Variants in SLC41A1 observed in about 807,000 individuals in gnomAD.
The protein encoded by SLC41A1 is solute carrier family 41 (magnesium transporter), member 1.
SLC41A1 carries 20 observed loss-of-function variants against 47.3 expected under a neutral mutation model. That is an observed-to-expected ratio of 0.42 (90% CI 0.30 to 0.61). The LOEUF (loss-of-function observed/expected upper bound fraction) is 0.61. SLC41A1 is among the 20% of genes least tolerant of loss of function. SLC41A1 has a pLI of 0.17. For missense variants in SLC41A1, 504 were observed against 674.1 expected (o/e 0.75, Z 2.79); for synonymous variants, 282 against 272.7 (o/e 1.03, Z -0.34).
chr1:205,809,952 A>T, intron 2 of SLC41A1, 118 bp downstream of exon 2: 1 of 1,434,878 alleles, frequency 7.0e-7, no homozygotes. Context: ...AAAGGAAAAC[A>T]GTATTCTAGG....
chr1:205,792,346 A>AG lies in SLC41A1; in HGVS notation c.1357-629dup, dbSNP rs1331562941. On this transcript the variant is annotated intron_variant, in intron 10 of 10. Transcript: ENST00000367137. ...AAGAATGCAAGTTTATTTTAACATT[A>AG]GTCCTAATAAAGTTGAATTGTGAAT... Among the ~76,000 whole-genome samples the AG allele has an allele frequency of 6.6e-5, 10 of 152,212 alleles. 1 individual carries two copies. Among genetic ancestry groups the AG allele is most frequent in the Admixed American group, 2.0e-4 (3 of 15,282 alleles).
chr1:205,795,303 C>T (rs766370918), intron 9 of SLC41A1, 41 bp downstream of exon 9: 6 of 1,613,846 alleles, frequency 3.7e-6, no homozygotes, highest in Non-Finnish European at 5.1e-6. Context: ...GACAGTAGGC[C>T]CACTCCCCCC....
At position 205,795,723 on chromosome 1, in the gene SLC41A1, A is replaced by T. The variant is rs545342933; in HGVS notation, c.1073-245T>A. On this transcript the variant is annotated intron_variant, in intron 8 of 10. Coordinates refer to ENST00000367137, the MANE Select transcript of SLC41A1 (RefSeq NM_173854.6). ...CCCATCCTCCCCTCTATGGAGATGC[A>T]GCAGTTCCATGTTCCCCTGGCAAAG... The T allele has an allele frequency of 3.1e-4, 184 of 586,940 alleles. 2 individuals are homozygous for T. In the East Asian group the frequency reaches 5.3e-3, roughly 17 times the overall value. The allele number at this position is 586,940 out of a possible 1,614,324, so 36.4% of individuals were successfully genotyped here.
At chr1:205,809,415 C>T (rs1656091152) in intron 2 of SLC41A1, among the ~76,000 whole-genome samples, 1 of 152,198 alleles carries the variant, frequency 6.6e-6, no homozygotes, top group South Asian at 2.1e-4. Flanking sequence ...CTGCCCAGGC[C>T]TAGTTACATT....
In SLC41A1 at chr1:205,807,648, G is replaced by GTTT. The variant is rs1170069554; in HGVS notation, c.372+2421_372+2422insAAA. ...ACAAAGAAAATAGGCTCCTCGTAGA[G>GTTT]TCTTTTTTTTTTTTTTTTTTTTTTT... On this transcript the variant is annotated intron_variant, in intron 2 of 10. Coordinates refer to ENST00000367137, the MANE Select transcript of SLC41A1 (RefSeq NM_173854.6). Among the ~76,000 whole-genome samples the GTTT allele has an allele frequency of 2.8e-3, 279 of 100,028 alleles. 2 individuals are homozygous for GTTT. Among genetic ancestry groups the GTTT allele is most frequent in the African/African-American group, 5.0e-3 (148 of 29,650 alleles). 65.6% of individuals were successfully genotyped at this position (100,028 alleles called of 152,430 possible). A position where few individuals can be genotyped will look rare whatever the true frequency, so the allele number is the denominator to read the frequency against.
Position 205,791,803 on chromosome 1 carries a change from A to T in SLC41A1, c.1357-85T>A. On this transcript the variant is annotated intron_variant, in intron 10 of 10. Coordinates refer to ENST00000367137, the MANE Select transcript of SLC41A1 (RefSeq NM_173854.6). This position sits in a 1 kb window ranked among gnomAD's most constrained non-coding sequence, Gnocchi z 4.0. ...CCACATGATCAGACCCATTCAGTGC[A>T]TCACAGGGCTTGGCTGGCCATAATC... is the stretch of plus-strand genomic sequence containing the variant. The T allele has an allele frequency of 6.6e-7, 1 of 1,524,136 alleles. No homozygotes were observed. The allele number at this position is 1,524,136 out of a possible 1,614,324, so 94.4% of individuals were successfully genotyped here.
At position 205,807,389 on chromosome 1, in the gene SLC41A1, G is replaced by C. The variant is rs115599261; in HGVS notation, c.372+2681C>G. Among the ~76,000 whole-genome samples, 1,014 of 152,216 alleles carry C rather than the reference G, an allele frequency of 6.7e-3. 8 individuals carry two copies. The highest frequency in any genetic ancestry group is 0.022 in the African/African-American group (932 of 41,530). ...GAGGTGAGCTGAGGTGCCACACTGA[G>C]AGCAGCTCCAAAGGTTCCCTACCCA... On this transcript the variant is annotated intron_variant, in intron 2 of 10. Transcript: ENST00000367137.
At chr1:205,797,143 C>A (rs1655769196) in intron 7 of SLC41A1, 140 bp from the exon 8 acceptor site, 1 of 748,634 alleles carries the variant, frequency 1.3e-6, no homozygotes. Context: ...ACCATCCAGT[C>A]CTTGCCTCCC....
chr1:205,802,863 G>A (rs1157581316), intron 2 of SLC41A1, among the ~76,000 whole-genome samples: 2 of 151,972 alleles, frequency 1.3e-5, no homozygotes, highest in African/African-American at 4.8e-5. Flanking sequence ...AAAATAATCA[G>A]TGTTAGCAAG....
intron 10 of SLC41A1, among the ~76,000 whole-genome samples, chr1:205,793,305 G>A (rs1655667010): frequency 6.6e-6 from 1 of 152,216 alleles, no homozygotes; most frequent in Non-Finnish European, 1.5e-5. Flanking sequence ...GATCTAGAGA[G>A]GACAGCAGAG....
Position 205,798,814 on chromosome 1 carries a change from A to G in SLC41A1, c.699T>C (p.Gly233=). The G allele has an allele frequency of 6.2e-7, 1 of 1,614,116 alleles. No individual in the cohort carries two copies. The highest frequency in any genetic ancestry group is 1.1e-5 in the South Asian group (1 of 91,080). Residue 233 remains glycine (G), a splice_region_variant and synonymous_variant, in exon 6 of 11, where the codon GGT becomes GGC. Coordinates refer to ENST00000367137, the MANE Select transcript of SLC41A1 (RefSeq NM_173854.6). ...CAATGATGACTCCAATCATGATCATACCTGGTGAGCAAGTGGGAGGAGGGG... is the reference window on the plus strand; with the variant it reads ...CAATGATGACTCCAATCATGATCATGCCTGGTGAGCAAGTGGGAGGAGGGG... ...ATAFIASLVL[G]MIMIGVIIGS... is the part of the protein sequence containing the mutation.
At chr1:205,795,282 T>G in intron 9 of SLC41A1, 62 bp downstream of exon 9, 1 of 1,612,562 alleles carries the variant, frequency 6.2e-7, no homozygotes, top group Non-Finnish European at 8.5e-7. Context: ...GTCTCTTAAG[T>G]GAAGCTCACT....
At chr1:205,808,321 G>A (rs796258371) in intron 2 of SLC41A1, among the ~76,000 whole-genome samples, 6 of 152,178 alleles carry the variant, frequency 3.9e-5, no homozygotes, top group African/African-American at 1.4e-4. Flanking sequence ...GGTTAGTGGT[G>A]TGGGCTCTAG....
At chr1:205,806,009 T>A (rs1193322695) in intron 2 of SLC41A1, among the ~76,000 whole-genome samples, 1 of 152,212 alleles carries the variant, frequency 6.6e-6, no homozygotes, top group African/African-American at 2.4e-5. Context: ...TCTGGGCTCC[T>A]GTGGGAGAAG....
At chr1:205,799,154 G>A (rs1655814950) in intron 4 of SLC41A1, 53 bp from the exon 5 acceptor site, 21 of 1,609,536 alleles carry the variant, frequency 1.3e-5, no homozygotes, top group Non-Finnish European at 1.6e-5. Flanking sequence ...GGCTTCCTAA[G>A]CTGAGGTCAT....
intron 7 of SLC41A1, 68 bp from the exon 8 acceptor site, chr1:205,797,071 G>T: frequency 7.1e-7 from 1 of 1,407,994 alleles, no homozygotes; most frequent in Non-Finnish European, 9.9e-7. Flanking sequence ...TCTGGGATGA[G>T]AGGTCCAGGC....
Position 205,795,678 on chromosome 1 carries a change from C to A in SLC41A1, c.1073-200G>T, listed in dbSNP as rs1655734541. 6 of 663,750 alleles carry A rather than the reference C, an allele frequency of 9.0e-6. No individual in the cohort carries two copies. The East Asian group carries it at 1.4e-4, about 15-fold the overall frequency. 41.1% of individuals were successfully genotyped at this position (663,750 alleles called of 1,614,324 possible). A position where few individuals can be genotyped will look rare whatever the true frequency, so the allele number is the denominator to read the frequency against. ...GAAGGAAGACAAAGACCCCTGCTTC[C>A]AGTGCATCTTCCAGCCTCCCCCATC... On this transcript the variant is annotated intron_variant, in intron 8 of 10. Coordinates refer to ENST00000367137, the MANE Select transcript of SLC41A1 (RefSeq NM_173854.6).
intron 2 of SLC41A1, among the ~76,000 whole-genome samples, chr1:205,809,288 T>C (rs948247635): frequency 4.6e-5 from 7 of 152,184 alleles, no homozygotes; most frequent in Admixed American, 1.3e-4. Context: ...CTCTGGCTCT[T>C]AGATTCCATG....
Position 205,813,086 on chromosome 1 carries a change from G to C in SLC41A1, c.-925C>G. ...ATATCGCTTCGGGCCCGGCGGGGGG[G>C]CACCCGGACGGGGGACCGGGGAGCC... On this transcript the variant is annotated 5_prime_UTR_variant, in exon 1 of 11. Coordinates refer to ENST00000367137, the MANE Select transcript of SLC41A1 (RefSeq NM_173854.6). 1.0e-6 allele frequency: 1 copy of C among 985,514 alleles called. No individual in the cohort carries two copies. Among genetic ancestry groups the C allele is most frequent in the Non-Finnish European group, 1.2e-6 (1 of 829,986 alleles). The allele number at this position is 985,514 out of a possible 1,614,324, so 61.0% of individuals were successfully genotyped here.
Sources: allele counts gnomAD v4.1 joint callset (sites outside exome capture counted in the v4.1 genomes callset), GRCh38; gene constraint gnomAD v4.1.1; non-coding constraint Gnocchi (gnomAD v3.1); transcripts MANE v1.5; gene names NCBI Gene and HGNC (gene_info 2026-07-23, HGNC 2026-07-21).